Variants in SPRY3 observed in about 807,000 individuals in gnomAD.
The protein encoded by SPRY3 is protein sprouty homolog 3.
SPRY3 carries 15 observed loss-of-function variants against 20.2 expected under a neutral mutation model. The ratio of observed to expected loss-of-function variants is 0.74; its 90% confidence interval spans 0.50 to 1.14. The LOEUF (loss-of-function observed/expected upper bound fraction) is 1.14, where lower values mean the gene tolerates loss of function less well. Among genes scored for constraint, SPRY3 ranks in the 50% most tolerant of loss-of-function variants. SPRY3 has a pLI of 0.00. For synonymous variants in SPRY3, 143 were observed against 136.5 expected (o/e 1.05, Z -0.33); for missense variants, 364 against 363.9 (o/e 1.00, Z 0.00).
intron 2 of SPRY3, among the ~76,000 whole-genome samples, chrX:155,670,973 T>A (rs146358789): frequency 0.013 from 1,463 of 112,102 alleles, 24 homozygotes; most frequent in African/African-American, 0.045. Context: ...TCTTTCCACA[T>A]CCACAGCTGT....
intron 2 of SPRY3, among the ~76,000 whole-genome samples, chrX:155,711,854 C>G (rs1456300134): frequency 6.6e-6 from 1 of 150,886 alleles, no homozygotes; most frequent in African/African-American, 2.4e-5. Flanking sequence ...ATAAATTTTT[C>G]TCTAGTACTG....
intron 2 of SPRY3, among the ~76,000 whole-genome samples, chrX:155,703,569 C>T (rs1168614695): frequency 8.8e-6 from 1 of 113,650 alleles, no homozygotes; most frequent in Non-Finnish European, 1.8e-5. Flanking sequence ...AAAACCAGCT[C>T]CTGGATTCAT....
intron 1 of SPRY3, among the ~76,000 whole-genome samples, chrX:155,646,058 CTTA>C (rs1418903004): frequency 8.9e-6 from 1 of 112,094 alleles, no homozygotes; most frequent in Admixed American, 9.4e-5. Context: ...CTATTCTTCC[CTTA>C]TTAGGTAATT....
At position 155,694,293 on chromosome X, in the gene SPRY3, G is replaced by C. The variant is rs145993069; in HGVS notation, c.-282+37268G>C. ...TTTAAGATAATATATTTGTGTGTCT[G>C]TGTGTGTACGTGTTTGTGATTTTAG... On this transcript the variant is annotated intron_variant, in intron 2 of 3. Coordinates refer to ENST00000675360, the Ensembl canonical transcript of SPRY3. Among the ~76,000 whole-genome samples, 320 of 111,319 alleles carry C rather than the reference G, an allele frequency of 2.9e-3. 1 individual carries two copies. Among genetic ancestry groups the C allele is most frequent in the African/African-American group, 9.7e-3 (298 of 30,616 alleles).
At chrX:155,742,889 A>G (rs1402231927) in intron 2 of SPRY3, among the ~76,000 whole-genome samples, 1 of 152,148 alleles carries the variant, frequency 6.6e-6, no homozygotes, top group Non-Finnish European at 1.5e-5. Flanking sequence ...AGCTAGAAAG[A>G]TCTCAAATCA....
At chrX:155,725,376 T>G (rs1901324483) in intron 2 of SPRY3, among the ~76,000 whole-genome samples, 1 of 152,206 alleles carries the variant, frequency 6.6e-6, no homozygotes, top group Non-Finnish European at 1.5e-5. Flanking sequence ...TTAATTGGAA[T>G]AGTTTCAGAA....
chrX:155,739,822 C>G (rs1274940426), intron 2 of SPRY3, among the ~76,000 whole-genome samples: 1 of 152,172 alleles, frequency 6.6e-6, no homozygotes, highest in Non-Finnish European at 1.5e-5. Context: ...CAAAGGCCAG[C>G]AACCTCAAAG....
chrX:155,774,557 C>T, exon 4 of SPRY3: 1 of 1,614,018 alleles, frequency 6.2e-7, no homozygotes, highest in Non-Finnish European at 8.5e-7. Flanking sequence ...AGCCTCATCT[C>T]CCTCTTCCTA....
At chrX:155,700,182 G>A (rs2068132052) in intron 2 of SPRY3, among the ~76,000 whole-genome samples, 1 of 109,016 alleles carries the variant, frequency 9.2e-6, no homozygotes, top group Admixed American at 9.8e-5. Flanking sequence ...TGGCCAATAA[G>A]CACTTGAAAA....
intron 3 of SPRY3, among the ~76,000 whole-genome samples, chrX:155,772,155 A>AGACT (rs1190213897): frequency 5.9e-5 from 9 of 152,348 alleles, no homozygotes; most frequent in African/African-American, 1.9e-4. Context: ...AATTTTTGTC[A>AGACT]GACTGGTTCT....
intron 2 of SPRY3, among the ~76,000 whole-genome samples, chrX:155,714,226 T>C (rs1016286290): frequency 9.9e-5 from 15 of 151,968 alleles, no homozygotes; most frequent in African/African-American, 3.4e-4. Flanking sequence ...TTTGATGAGA[T>C]TATGTTTTCT....
intron 1 of SPRY3, among the ~76,000 whole-genome samples, chrX:155,649,654 G>T (rs1467095994): frequency 9.0e-6 from 1 of 111,021 alleles, no homozygotes; most frequent in African/African-American, 3.3e-5. Flanking sequence ...CAAACCCACA[G>T]CCAATATCAT....
At chrX:155,682,830 A>G (rs750834670) in intron 2 of SPRY3, among the ~76,000 whole-genome samples, 6 of 112,390 alleles carry the variant, frequency 5.3e-5, no homozygotes, top group Admixed American at 4.7e-4. Flanking sequence ...GAAATATTCA[A>G]CATTCTAGAT....
At chrX:155,739,784 CA>C (rs1218814837) in intron 2 of SPRY3, among the ~76,000 whole-genome samples, 3 of 152,080 alleles carry the variant, frequency 2.0e-5, no homozygotes, top group Admixed American at 2.0e-4. Flanking sequence ...GCAACAACAA[CA>C]AAAAAGACCC....
chrX:155,745,136 TC>T (rs1306747922), intron 2 of SPRY3, among the ~76,000 whole-genome samples: 1 of 152,048 alleles, frequency 6.6e-6, no homozygotes, highest in Non-Finnish European at 1.5e-5. Context: ...AAACTATCTT[TC>T]CCCAAGCTTG....
intron 2 of SPRY3, among the ~76,000 whole-genome samples, chrX:155,751,386 C>T (rs1463967558): frequency 6.6e-6 from 1 of 151,910 alleles, no homozygotes; most frequent in Non-Finnish European, 1.5e-5. Context: ...TTATTAAGAA[C>T]TTGACCCTGC....
At chrX:155,620,691 T>C (rs1209351373) in intron 1 of SPRY3, among the ~76,000 whole-genome samples, 1 of 111,781 alleles carries the variant, frequency 8.9e-6, no homozygotes, top group Non-Finnish European at 1.9e-5. Context: ...GTGTATTTAC[T>C]GGAAGGAGTA....
chrX:155,712,594 T>C (rs1175874817), intron 2 of SPRY3, among the ~76,000 whole-genome samples: 1 of 152,060 alleles, frequency 6.6e-6, no homozygotes, highest in East Asian at 1.9e-4. Context: ...AGTGTGTTTA[T>C]TGTAGGCAAC....
intron 1 of SPRY3, among the ~76,000 whole-genome samples, chrX:155,640,883 T>A (rs1557351343): frequency 8.9e-6 from 1 of 111,760 alleles, no homozygotes; most frequent in African/African-American, 3.2e-5. Flanking sequence ...CAAGGATAAT[T>A]TGACTTCTTC....
Sources: gnomAD v4.1 joint callset for allele counts (sites outside exome capture counted in the v4.1 genomes callset) on GRCh38, gnomAD v4.1.1 for gene constraint, MANE v1.5 for transcripts, NCBI Gene and HGNC (gene_info 2026-07-23, HGNC 2026-07-21) for gene names.